GALNT9: variants seen among roughly 807,000 people sequenced by gnomAD.
GALNT9 encodes GalNAc transferase 9.
A neutral mutation model predicts 63.1 loss-of-function variants in GALNT9; 47 were observed. That is an observed-to-expected ratio of 0.75 (90% CI 0.59 to 0.95). The LOEUF is 0.95. Ranked by LOEUF, GALNT9 falls within the 40% of genes least tolerant of loss-of-function variation. GALNT9 has a pLI of 0.00. For synonymous variants in GALNT9, 396 were observed against 365.7 expected (o/e 1.08, Z -0.94); for missense variants, 829 against 874.8 (o/e 0.95, Z 0.66).
chr12:132,259,904 G>A (rs553345632), intron 4 of GALNT9, among the ~76,000 whole-genome samples: 18 of 152,184 alleles, frequency 1.2e-4, no homozygotes, highest in South Asian at 8.3e-4. Flanking sequence ...ATGTCCTCCC[G>A]GGTCTTCCTT....
chr12:132,301,422 C>A (rs1256315203), intron 1 of GALNT9, among the ~76,000 whole-genome samples: 5 of 152,256 alleles, frequency 3.3e-5, no homozygotes, highest in African/African-American at 9.6e-5. Flanking sequence ...ATGGTCCATA[C>A]GAGAACCACA....
chr12:132,212,194 G>C (rs191542742), intron 6 of GALNT9, among the ~76,000 whole-genome samples: 2,120 of 143,830 alleles, frequency 0.015, no homozygotes, highest in African/African-American at 0.053. Flanking sequence ...GCAGCCTTCA[G>C]ACCTCGACAC....
At chr12:132,326,974 T>C (rs1270184454) in intron 1 of GALNT9, among the ~76,000 whole-genome samples, 2 of 152,150 alleles carry the variant, frequency 1.3e-5, no homozygotes, top group Non-Finnish European at 2.9e-5. Flanking sequence ...CATCATTTCC[T>C]GGGGCAAAGA....
chr12:132,266,681 A>G (rs112428076), intron 2 of GALNT9, among the ~76,000 whole-genome samples: 3,211 of 152,284 alleles, frequency 0.021, 113 homozygotes, highest in African/African-American at 0.071. Context: ...GGGACAGTGC[A>G]TTCACATTGT....
chr12:132,309,264 G>C (rs1358546401), intron 1 of GALNT9, among the ~76,000 whole-genome samples: 2 of 152,228 alleles, frequency 1.3e-5, no homozygotes, highest in Non-Finnish European at 2.9e-5. Context: ...GGCAGAGATG[G>C]GCTGGAGTGG....
chr12:132,230,962 C>T (rs1877868833), intron 6 of GALNT9, among the ~76,000 whole-genome samples: 1 of 152,212 alleles, frequency 6.6e-6, no homozygotes, highest in Non-Finnish European at 1.5e-5. Context: ...GACAGAGACT[C>T]ACCCTAGTGC....
At chr12:132,291,587 C>CTGT (rs1880850813) in intron 1 of GALNT9, among the ~76,000 whole-genome samples, 1 of 150,322 alleles carries the variant, frequency 6.7e-6, no homozygotes, top group Non-Finnish European at 1.5e-5. Context: ...ACGTCCACAC[C>CTGT]GCCCACATCC....
intron 5 of GALNT9, among the ~76,000 whole-genome samples, chr12:132,249,815 T>C (rs1878839725): frequency 6.6e-6 from 1 of 152,090 alleles, no homozygotes; most frequent in Admixed American, 6.5e-5. Context: ...CAGAAAAAGG[T>C]GGGCTGAGGG....
At chr12:132,216,159 G>A (rs1877181727) in intron 6 of GALNT9, among the ~76,000 whole-genome samples, 1 of 152,176 alleles carries the variant, frequency 6.6e-6, no homozygotes, top group Admixed American at 6.5e-5. Flanking sequence ...GAGATGGAGA[G>A]ACAGAGGCAT....
chr12:132,246,823 GC>G lies in GALNT9; in HGVS notation c.1077+1086del, dbSNP rs1403307783. On this transcript the variant is annotated intron_variant, in intron 6 of 10. Transcript: ENST00000328957. This position sits in a 1 kb window ranked among gnomAD's most constrained non-coding sequence, Gnocchi z 4.7. ...TGGGATTACAGGCGTGAGCCTCAGT[GC>G]CCGGCCTCACAGTATTATTTAATCT... Among the ~76,000 whole-genome samples, 2 of 152,202 alleles carry G rather than the reference GC, an allele frequency of 1.3e-5. No individual in the cohort carries two copies. The highest frequency in any genetic ancestry group is 2.9e-5 in the Non-Finnish European group (2 of 68,048).
chr12:132,267,450 T>C (rs1879644392), intron 2 of GALNT9, among the ~76,000 whole-genome samples: 1 of 152,178 alleles, frequency 6.6e-6, no homozygotes, highest in South Asian at 2.1e-4. Flanking sequence ...CATTCTCCCG[T>C]GCACACGGAG....
Position 132,219,396 on chromosome 12 carries a change from C to T in GALNT9, c.1078-15706G>A, listed in dbSNP as rs149886630. 2.2e-3 allele frequency among the ~76,000 whole-genome samples: 332 copies of T among 152,336 alleles called. No individual in the cohort carries two copies. The Middle Eastern group carries it at 0.031, about 14-fold the overall frequency. On this transcript the variant is annotated intron_variant, in intron 6 of 10. Transcript: ENST00000328957. Reference sequence around the variant, plus strand: ...GGAAACAAGGTGAAATTCTCCATAGCTCATGAGGAGCAGAAGCCGGCTGCA... The same window carrying T: ...GGAAACAAGGTGAAATTCTCCATAGTTCATGAGGAGCAGAAGCCGGCTGCA...
At chr12:132,321,090 G>A (rs1213934085) in intron 1 of GALNT9, among the ~76,000 whole-genome samples, 1 of 152,162 alleles carries the variant, frequency 6.6e-6, no homozygotes, top group African/African-American at 2.4e-5. Context: ...GCCAAACGCT[G>A]CTCAACATCC....
intron 1 of GALNT9, among the ~76,000 whole-genome samples, chr12:132,289,900 G>C (rs1398938189): frequency 4.6e-5 from 7 of 152,184 alleles, no homozygotes; most frequent in Admixed American, 4.6e-4. Flanking sequence ...TGTGCAGATG[G>C]TGGAGATGGA....
Position 132,201,113 on chromosome 12 carries a change from GGAGGTGCTACCTCTCCGTACGT to G in GALNT9, c.1390_1401+10del. 1 of 1,611,682 alleles carries G rather than the reference GGAGGTGCTACCTCTCCGTACGT, an allele frequency of 6.2e-7. No homozygotes were observed. The highest frequency in any genetic ancestry group is 8.5e-7 in the Non-Finnish European group (1 of 1,178,678). On this transcript the variant is annotated splice_donor_variant and splice_donor_5th_base_variant and coding_sequence_variant and intron_variant, in exon 8 of 11. Transcript: ENST00000328957. LOFTEE classifies it high-confidence loss of function. ...TGTCGGGCCGAACGGGGCCCTCGGG[GGAGGTGCTACCTCTCCGTACGT>G]GAGGGTGTTGTTGTAGACCCTCATC...
At chr12:132,237,349 T>C (rs1265382516) in intron 6 of GALNT9, among the ~76,000 whole-genome samples, 1 of 151,082 alleles carries the variant, frequency 6.6e-6, no homozygotes, top group East Asian at 1.9e-4. Context: ...CACAGCTGCC[T>C]GCACCTGCCT....
chr12:132,250,083 T>C lies in GALNT9; in HGVS notation c.960-2056A>G, dbSNP rs567329996. Among the ~76,000 whole-genome samples, 10 of 152,286 alleles carry C rather than the reference T, an allele frequency of 6.6e-5. No individual in the cohort carries two copies. In the South Asian group the frequency reaches 2.1e-3, roughly 32 times the overall value. ...AGGTGGATACATGGAGAGTGGCCCA[T>C]CCAGGCTGTGGACCGCAATTCTGCA... is the stretch of plus-strand genomic sequence containing the variant. On this transcript the variant is annotated intron_variant, in intron 5 of 10. Coordinates refer to ENST00000328957, the MANE Select transcript of GALNT9 (RefSeq NM_001122636.2).
chr12:132,203,101 A>G (rs1876305495), intron 7 of GALNT9, among the ~76,000 whole-genome samples: 1 of 152,086 alleles, frequency 6.6e-6, no homozygotes, highest in Non-Finnish European at 1.5e-5. Flanking sequence ...ACCGCCAGAC[A>G]GTTGAGGCTG....
chr12:132,201,133 C>G lies in GALNT9; in HGVS notation c.1392G>C (p.Thr464=). The part of the protein sequence containing the change: ...PEMRVYNNTL[T]YGEVRNSKAS... ...TCGGGGGAGGTGCTACCTCTCCGTACGTGAGGGTGTTGTTGTAGACCCTCA... is the reference window on the plus strand; with the variant it reads ...TCGGGGGAGGTGCTACCTCTCCGTAGGTGAGGGTGTTGTTGTAGACCCTCA... The change falls in exon 8 of 11, where the codon ACG becomes ACC. Residue 464 remains threonine, a synonymous_variant. Transcript: ENST00000328957. The G allele has an allele frequency of 1.9e-6, 3 of 1,613,104 alleles. No individual in the cohort carries two copies. The highest frequency in any genetic ancestry group is 1.7e-4 in the Middle Eastern group (1 of 6,054).
Sources: allele counts gnomAD v4.1 joint callset (sites outside exome capture counted in the v4.1 genomes callset), GRCh38; gene constraint gnomAD v4.1.1; non-coding constraint Gnocchi (gnomAD v3.1); transcripts MANE v1.5; gene names NCBI Gene and HGNC (gene_info 2026-07-23, HGNC 2026-07-21).